Variants in RERE observed in about 807,000 individuals in gnomAD.
RERE encodes arginine-glutamic acid dipeptide repeats, also known as arginine-glutamic acid dipeptide repeats protein.
Under a neutral mutation model 146.1 loss-of-function variants are expected in RERE, and 40 were observed. The ratio of observed to expected loss-of-function variants is 0.27; its 90% CI spans 0.21 to 0.36. The LOEUF (loss-of-function observed/expected upper bound fraction) is 0.36. Ranked by LOEUF, RERE falls within the 10% of genes least tolerant of loss-of-function variation. The pLI, the probability that RERE is intolerant of heterozygous loss-of-function variation, is 1.00. For synonymous variants in RERE, 1,003 were observed against 866.0 expected, an observed-to-expected ratio of 1.16 and a Z score of -2.78; for missense variants, 1,933 against 2,138.7, an observed-to-expected ratio of 0.90 and a Z score of 1.90.
chr1:8,594,835 A>G lies in RERE; in HGVS notation c.522+19726T>C, dbSNP rs1453567399. On this transcript the variant is annotated intron_variant, in intron 4 of 22. Coordinates refer to ENST00000400908, the MANE Select transcript of RERE (RefSeq NM_001042681.2). ...AGAGCCATCCCCACTCACTTCCAGG[A>G]GGCCCTGATGAGCAAAAGCATATTA... 2.6e-5 allele frequency among the ~76,000 whole-genome samples: 4 copies of G among 152,172 alleles called. No homozygotes were observed. In the East Asian group the frequency reaches 7.7e-4, roughly 29 times the overall value.
chr1:8,362,607 G>T, intron 16 of RERE, 76 bp downstream of exon 16: 1 of 1,569,954 alleles, frequency 6.4e-7, no homozygotes, highest in South Asian at 1.1e-5. Context: ...TGAGGGAGCT[G>T]ATCACGAATA....
chr1:8,389,776 G>A (rs1299602835), intron 12 of RERE, among the ~76,000 whole-genome samples: 2 of 152,142 alleles, frequency 1.3e-5, no homozygotes, highest in South Asian at 2.1e-4. Flanking sequence ...AAAACAATCC[G>A]TCAGCTAAGT....
At chr1:8,774,074 G>A (rs1208950819) in intron 1 of RERE, among the ~76,000 whole-genome samples, 3 of 152,112 alleles carry the variant, frequency 2.0e-5, no homozygotes, top group East Asian at 1.9e-4. Context: ...CAGGTACCTT[G>A]TTCCTAGGTG....
chr1:8,526,015 C>T, intron 7 of RERE: 1 of 1,276,558 alleles, frequency 7.8e-7, no homozygotes, highest in Non-Finnish European at 9.9e-7. Context: ...CATCCACACA[C>T]TGTCTCTCCA....
intron 11 of RERE, among the ~76,000 whole-genome samples, chr1:8,438,060 A>G (rs976505160): frequency 6.6e-6 from 1 of 152,202 alleles, no homozygotes; most frequent in Non-Finnish European, 1.5e-5. Context: ...AGTTCACTGT[A>G]ACGTGGAGCT....
intron 1 of RERE, chr1:8,751,023 G>A (rs534114189): frequency 1.6e-5 from 10 of 625,314 alleles, no homozygotes; most frequent in South Asian, 1.5e-4. Flanking sequence ...ATTGGAAAAT[G>A]CTTCAAGGAA....
chr1:8,565,515 T>C (rs1406739875), intron 4 of RERE, among the ~76,000 whole-genome samples: 1 of 152,178 alleles, frequency 6.6e-6, no homozygotes, highest in Non-Finnish European at 1.5e-5. Context: ...ATGACCAGCC[T>C]GGCCAACATG....
Position 8,508,464 on chromosome 1 carries a change from A to G in RERE, c.879+163T>C, listed in dbSNP as rs555362347. ...TTGCACTTAAAAATGGGAGATGGTA[A>G]ATGTATGTGGTGATCTGAGGAGGGT... On this transcript the variant is annotated intron_variant, in intron 8 of 22. Coordinates refer to ENST00000400908, the MANE Select transcript of RERE (RefSeq NM_001042681.2). Among the ~76,000 whole-genome samples the G allele has an allele frequency of 5.3e-5, 8 of 152,322 alleles. No individual in the cohort carries two copies. The South Asian group carries it at 1.7e-3, about 32-fold the overall frequency.
At position 8,355,660 on chromosome 1, in the gene RERE, C is replaced by T. The variant is rs577771438; in HGVS notation, c.4487-61G>A. ...GCCAGAGGACTGGCCAAGACCAGGGCGGCACAGGCACAGCAAACGGCAAAG... is the reference window on the plus strand; with the variant it reads ...GCCAGAGGACTGGCCAAGACCAGGGTGGCACAGGCACAGCAAACGGCAAAG... On this transcript the variant is annotated intron_variant, in intron 21 of 22. Coordinates refer to ENST00000400908, the MANE Select transcript of RERE (RefSeq NM_001042681.2). 121 of 1,427,706 alleles carry T rather than the reference C, an allele frequency of 8.5e-5. No individual in the cohort carries two copies. The East Asian group carries it at 2.3e-3, about 27-fold the overall frequency. 88.4% of individuals were successfully genotyped at this position (1,427,706 alleles called of 1,614,324 possible). A position where few individuals can be genotyped will look rare whatever the true frequency, so the allele number is the denominator to read the frequency against.
intron 2 of RERE, among the ~76,000 whole-genome samples, chr1:8,640,065 G>C (rs1331748621): frequency 6.6e-6 from 1 of 152,012 alleles, no homozygotes; most frequent in Non-Finnish European, 1.5e-5. Context: ...AAGTGGGGAG[G>C]ACTGCTTGAG....
At position 8,621,682 on chromosome 1, in the gene RERE, G is replaced by A. The variant is rs1646917266; in HGVS notation, c.396+2628C>T. Among the ~76,000 whole-genome samples the A allele has an allele frequency of 1.3e-5, 2 of 152,042 alleles. 1 individual carries two copies. Among genetic ancestry groups the A allele is most frequent in the South Asian group, 4.1e-4 (2 of 4,826 alleles). On this transcript the variant is annotated intron_variant, in intron 3 of 22. Transcript: ENST00000400908. Reference sequence around the variant, plus strand: ...ATTACTCAACATTTCAAAGCCATCGGGTTTTTGTTTCTTTCATTGCTCCAC... The same window carrying A: ...ATTACTCAACATTTCAAAGCCATCGAGTTTTTGTTTCTTTCATTGCTCCAC...
chr1:8,773,857 C>T (rs1305646131), intron 1 of RERE, among the ~76,000 whole-genome samples: 3 of 152,160 alleles, frequency 2.0e-5, no homozygotes, highest in African/African-American at 4.8e-5. Context: ...AGTTACAATG[C>T]TGTACATACA....
At chr1:8,424,161 G>T (rs1248428007) in intron 11 of RERE, 1 of 152,188 alleles carries the variant, frequency 6.6e-6, no homozygotes, top group Non-Finnish European at 1.5e-5. Context: ...CGAAACGGGG[G>T]GCTGGCCCCG....
At chr1:8,521,095 T>C (rs1645491684) in intron 7 of RERE, among the ~76,000 whole-genome samples, 1 of 145,140 alleles carries the variant, frequency 6.9e-6, no homozygotes, top group Admixed American at 7.1e-5. Context: ...ACCTAGTGTG[T>C]GTAAGTGAGA....
chr1:8,701,891 G>A lies in RERE; in HGVS notation c.-144-45450C>T, dbSNP rs116096002. ...TGCCTTGTGTAATTTACTAGGCAATGTAAATATTCAGAAAGGCAACTGCCT... is the reference window on the plus strand; with the variant it reads ...TGCCTTGTGTAATTTACTAGGCAATATAAATATTCAGAAAGGCAACTGCCT... On this transcript the variant is annotated intron_variant, in intron 1 of 22. Transcript: ENST00000400908. Among the ~76,000 whole-genome samples the A allele has an allele frequency of 1.1e-3, 161 of 152,320 alleles. 2 individuals carry two copies. Among genetic ancestry groups the A allele is most frequent in the African/African-American group, 3.7e-3 (155 of 41,566 alleles).
chr1:8,459,547 G>A (rs1029126911), intron 11 of RERE, among the ~76,000 whole-genome samples: 1 of 152,148 alleles, frequency 6.6e-6, no homozygotes. Flanking sequence ...AAATTTTCAA[G>A]TTATAATTTC....
intron 12 of RERE, among the ~76,000 whole-genome samples, chr1:8,368,945 G>A (rs1018114617): frequency 6.6e-6 from 1 of 151,864 alleles, no homozygotes; most frequent in Admixed American, 6.6e-5. Flanking sequence ...TGCACCGGCA[G>A]TCCCAGCTAC....
chr1:8,546,314 A>AAAT (rs1553182962), intron 6 of RERE, among the ~76,000 whole-genome samples: 1 of 150,000 alleles, frequency 6.7e-6, no homozygotes, highest in African/African-American at 2.4e-5. Context: ...AATAAATAAA[A>AAAT]ATATATATAT....
intron 10 of RERE, among the ~76,000 whole-genome samples, chr1:8,471,951 A>C (rs1469428165): frequency 6.6e-6 from 1 of 152,174 alleles, no homozygotes; most frequent in African/African-American, 2.4e-5. Context: ...AGCTGGGACT[A>C]CAGGCGCACG....
Sources: allele counts gnomAD v4.1 joint callset (sites outside exome capture counted in the v4.1 genomes callset), GRCh38; gene constraint gnomAD v4.1.1; transcripts MANE v1.5; gene names NCBI Gene and HGNC (gene_info 2026-07-23, HGNC 2026-07-21).